Variants in NSUN4 observed in about 807,000 individuals in gnomAD.
NSUN4 encodes the protein 5-cytosine rRNA methyltransferase NSUN4.
In NSUN4, 31 loss-of-function variants were observed where a neutral mutation model predicts 43.8. That is an observed-to-expected ratio of 0.71 (90% CI 0.53 to 0.96). The LOEUF (loss-of-function observed/expected upper bound fraction) is 0.96, where lower values mean the gene tolerates loss of function less well. NSUN4 is among the 40% of genes least tolerant of loss of function. The pLI, the probability that NSUN4 is intolerant of heterozygous loss-of-function variation, is 0.00. For synonymous variants in NSUN4, 167 were observed against 184.1 expected, an observed-to-expected ratio of 0.91 and a Z score of 0.75; for missense variants, 439 against 475.6, an observed-to-expected ratio of 0.92 and a Z score of 0.72.
In NSUN4 at chr1:46,357,183, A is replaced by T. The variant is rs1367955032; in HGVS notation, c.754-3521A>T. Among the ~76,000 whole-genome samples, 4 of 151,948 alleles carry T rather than the reference A, an allele frequency of 2.6e-5. No homozygotes were observed. The East Asian group carries it at 7.7e-4, about 29-fold the overall frequency. On this transcript the variant is annotated intron_variant, in intron 4 of 5. Transcript: ENST00000474844. ...TTCTGTGACTGAGTGAGATCAACAT[A>T]TTTTTTTATTTTTGAGACAGGGTTT...
the NSUN4 span, among the ~76,000 whole-genome samples, chr1:46,373,069 T>G: frequency 6.6e-6 from 1 of 152,200 alleles, no homozygotes; most frequent in African/African-American, 2.4e-5. Context: ...ATTACCTTGT[T>G]CTTCAGGTCC....
At chr1:46,346,417 T>G (rs550879089) in intron 2 of NSUN4, among the ~76,000 whole-genome samples, 8 of 151,734 alleles carry the variant, frequency 5.3e-5, no homozygotes, top group South Asian at 4.2e-4. Flanking sequence ...CTGGGCATGG[T>G]GGCACAAGCC....
chr1:46,342,064 C>G, intron 1 of NSUN4: 1 of 778,166 alleles, frequency 1.3e-6, no homozygotes, highest in East Asian at 3.4e-5. Context: ...ACCCCGGGAA[C>G]TTGCCTCACG....
At chr1:46,357,656 A>C (rs952258719) in intron 4 of NSUN4, among the ~76,000 whole-genome samples, 1 of 152,166 alleles carries the variant, frequency 6.6e-6, no homozygotes, top group Non-Finnish European at 1.5e-5. Flanking sequence ...GACACTGAGA[A>C]GGAGTAAGGA....
chr1:46,351,767 C>G (rs1198761877), intron 3 of NSUN4, among the ~76,000 whole-genome samples: 1 of 149,426 alleles, frequency 6.7e-6, no homozygotes, highest in Non-Finnish European at 1.5e-5. Context: ...CGGGTTCACG[C>G]CTTTCCCCTG....
In NSUN4 at chr1:46,362,850, C is replaced by A. The variant is rs1663966108; in HGVS notation, c.*1004C>A. On this transcript the variant is annotated 3_prime_UTR_variant, in exon 6 of 6. Coordinates refer to ENST00000474844, the MANE Select transcript of NSUN4 (RefSeq NM_199044.4). ...AGGGCTTCACTGCACACACTGTGTTCAGGGCAAGATTTCATCATTTACTGA... is the reference window on the plus strand; with the variant it reads ...AGGGCTTCACTGCACACACTGTGTTAAGGGCAAGATTTCATCATTTACTGA... The A allele has an allele frequency of 6.6e-6, 1 of 152,088 alleles. No individual in the cohort carries two copies. Among genetic ancestry groups the A allele is most frequent in the Admixed American group, 6.6e-5 (1 of 15,240 alleles). The allele number at this position is 152,088 out of a possible 1,614,324, so 9.4% of individuals were successfully genotyped here. A position where few individuals can be genotyped will look rare whatever the true frequency, so the allele number is the denominator to read the frequency against.
intron 1 of NSUN4, chr1:46,342,749 C>T (rs1662203481): frequency 2.5e-6 from 1 of 399,202 alleles, no homozygotes; most frequent in African/African-American, 2.1e-5. Context: ...CAGTTTCCCC[C>T]CAACCGAAGT....
chr1:46,344,432 G>C (rs1175670745), intron 1 of NSUN4: 2 of 225,280 alleles, frequency 8.9e-6, no homozygotes, highest in Non-Finnish European at 8.6e-6. Context: ...AGAAGAAAAG[G>C]GCCTTTTGCT....
At chr1:46,353,113 G>C in intron 4 of NSUN4, 85 bp downstream of exon 4, 1 of 1,295,574 alleles carries the variant, frequency 7.7e-7, no homozygotes, top group Admixed American at 1.8e-5. Context: ...TTAGGATCCA[G>C]CCCCTATGTT....
At chr1:46,375,087 A>G in the NSUN4 span, among the ~76,000 whole-genome samples, 765 of 152,328 alleles carry the variant, frequency 5.0e-3, 2 homozygotes, top group Non-Finnish European at 6.0e-3. Flanking sequence ...AACAATCAAC[A>G]TAATTGATAA....
At chr1:46,347,311 T>G (rs1662584501) in intron 3 of NSUN4, among the ~76,000 whole-genome samples, 1 of 151,972 alleles carries the variant, frequency 6.6e-6, no homozygotes, top group Admixed American at 6.6e-5. Context: ...GGTGGTGCAC[T>G]CCTGTAATAC....
At chr1:46,375,435 CAA>C in the NSUN4 span, among the ~76,000 whole-genome samples, 29 of 119,672 alleles carry the variant, frequency 2.4e-4, no homozygotes, top group Non-Finnish European at 2.6e-4. Flanking sequence ...AACTCGTTCT[CAA>C]AAAAAAAAAA....
chr1:46,340,845 A>C lies in NSUN4; in HGVS notation c.19A>C (p.Arg7=). MAALTL[R]GVRELLKRVD... is the part of the protein sequence containing the mutation. Reference sequence around the variant, plus strand: ...CGCCGATATGGCTGCGCTGACACTGAGGGGTGTCCGGGAGCTGCTGAAGCG... The same window carrying C: ...CGCCGATATGGCTGCGCTGACACTGCGGGGTGTCCGGGAGCTGCTGAAGCG... The change falls in exon 1 of 6, where the codon AGG becomes CGG. Residue 7 remains arginine, a synonymous_variant. Transcript: ENST00000474844. 2.5e-6 allele frequency: 4 copies of C among 1,612,220 alleles called. No individual in the cohort carries two copies. The highest frequency in any genetic ancestry group is 3.4e-6 in the Non-Finnish European group (4 of 1,179,280).
At chr1:46,355,690 T>C (rs1663310317) in intron 4 of NSUN4, among the ~76,000 whole-genome samples, 1 of 152,208 alleles carries the variant, frequency 6.6e-6, no homozygotes, top group African/African-American at 2.4e-5. Flanking sequence ...GCTTTAATGT[T>C]TGAAGATGTC....
At chr1:46,344,574 C>T (rs993004352) in intron 1 of NSUN4, among the ~76,000 whole-genome samples, 5 of 152,186 alleles carry the variant, frequency 3.3e-5, no homozygotes, top group Non-Finnish European at 5.9e-5. Context: ...TGATGACCCC[C>T]GCACAGTACC....
At chr1:46,381,455 C>G in the NSUN4 span, among the ~76,000 whole-genome samples, 34,122 of 152,108 alleles carry the variant, frequency 0.22, 4,299 homozygotes, top group Non-Finnish European at 0.29. Context: ...CTCCTAACCC[C>G]TAGACCCTTT....
In NSUN4 at chr1:46,359,753, T is replaced by C. The variant is rs376324783; in HGVS notation, c.754-951T>C. ...TTTTGTAGCTGGGACTACAGGTGCA[T>C]GCCACCACGCCCGGCTAATTAAAAA... On this transcript the variant is annotated intron_variant, in intron 4 of 5. Coordinates refer to ENST00000474844, the MANE Select transcript of NSUN4 (RefSeq NM_199044.4). Among the ~76,000 whole-genome samples, 4 of 152,026 alleles carry C rather than the reference T, an allele frequency of 2.6e-5. No individual in the cohort carries two copies. In the East Asian group the frequency reaches 5.8e-4, roughly 22 times the overall value.
In NSUN4 at chr1:46,363,344, C is replaced by G. The variant is rs954362400; in HGVS notation, c.*1498C>G. Reference sequence around the variant, plus strand: ...ATATGGTCCCTGCATGCTGTTCACTCTGTATAGTACTTAGTATTCGCTGAG... The same window carrying G: ...ATATGGTCCCTGCATGCTGTTCACTGTGTATAGTACTTAGTATTCGCTGAG... On this transcript the variant is annotated 3_prime_UTR_variant, in exon 6 of 6. Transcript: ENST00000474844. 6.6e-6 allele frequency: 1 copy of G among 152,194 alleles called. No homozygotes were observed. Among genetic ancestry groups the G allele is most frequent in the African/African-American group, 2.4e-5 (1 of 41,450 alleles). The allele number at this position is 152,194 out of a possible 1,614,324, so 9.4% of individuals were successfully genotyped here.
rs987058796 is a variant in NSUN4 at position 46,361,966 on chromosome 1, C to G, written c.*120C>G. ...GGTCCTGTCTCCATCCTGTTCGTGTCTTTCTGCAGTTTTCGGCAATAAGAA... is the reference window on the plus strand; with the variant it reads ...GGTCCTGTCTCCATCCTGTTCGTGTGTTTCTGCAGTTTTCGGCAATAAGAA... On this transcript the variant is annotated 3_prime_UTR_variant, in exon 6 of 6. Transcript: ENST00000474844. The G allele has an allele frequency of 9.3e-5, 86 of 923,098 alleles. No homozygotes were observed. Among genetic ancestry groups the G allele is most frequent in the Non-Finnish European group, 1.3e-4 (78 of 621,484 alleles). 57.2% of individuals were successfully genotyped at this position (923,098 alleles called of 1,614,324 possible). A position where few individuals can be genotyped will look rare whatever the true frequency, so the allele number is the denominator to read the frequency against.
Sources: allele counts gnomAD v4.1 joint callset (sites outside exome capture counted in the v4.1 genomes callset), GRCh38; gene constraint gnomAD v4.1.1; transcripts MANE v1.5; gene names NCBI Gene and HGNC (gene_info 2026-07-23, HGNC 2026-07-21).